GTF2IRD1: variants seen among roughly 807,000 people sequenced by gnomAD.
GTF2IRD1 encodes general transcription factor II-I repeat domain-containing protein 1.
A neutral mutation model predicts 113.2 loss-of-function variants in GTF2IRD1; 26 were observed. The observed-to-expected ratio is 0.23, with a 90% CI of 0.17 to 0.32. GTF2IRD1 has a LOEUF of 0.32. Ranked by LOEUF, GTF2IRD1 falls within the 10% of genes least tolerant of loss-of-function variation. The pLI, the probability that GTF2IRD1 is intolerant of heterozygous loss-of-function variation, is 1.00. For missense variants in GTF2IRD1, 864 were observed against 1,280.8 expected (o/e 0.67, Z 4.97); for synonymous variants, 484 against 529.1 (o/e 0.91, Z 1.17).
chr7:74,530,009 A>G (rs186193788), intron 9 of GTF2IRD1, 92 bp downstream of exon 9: 1 of 902,240 alleles, frequency 1.1e-6, no homozygotes, highest in Non-Finnish European at 1.7e-6. Context: ...CAGGAGTTCG[A>G]GACCAGCCTG....
In GTF2IRD1 at chr7:74,515,503, G is replaced by A; in HGVS notation, c.328G>A (p.Gly110Arg). ...CAAGAAGGTGCAGCGGGGCGAGGGT[G>A]GAGGCCGTAGCCTCCCTCGGTCCTC... ...HPKKVQRGEGGGRSLPRSSLE... is the reference protein window; with the variant it reads ...HPKKVQRGEGRGRSLPRSSLE... Residue 110 changes from glycine (G) to arginine (R), a missense_variant, in exon 4 of 27, where the codon GGA becomes AGA. Gly to Arg is a moderately radical substitution (Grantham distance 125). Coordinates refer to ENST00000424337, the MANE Select transcript of GTF2IRD1 (RefSeq NM_005685.4). 4 of 1,613,296 alleles carry A rather than the reference G, an allele frequency of 2.5e-6. No homozygotes were observed. The highest frequency in any genetic ancestry group is 1.7e-4 in the Middle Eastern group (1 of 6,056).
chr7:74,462,484 G>A (rs558708808), intron 1 of GTF2IRD1, among the ~76,000 whole-genome samples: 2 of 152,250 alleles, frequency 1.3e-5, no homozygotes, highest in South Asian at 2.1e-4. Flanking sequence ...ATGCATTTAC[G>A]GCATTGCTGG....
intron 22 of GTF2IRD1, among the ~76,000 whole-genome samples, chr7:74,583,250 G>A (rs1554366668): frequency 6.6e-6 from 1 of 151,812 alleles, no homozygotes; most frequent in African/African-American, 2.4e-5. Flanking sequence ...GTGCAGTGGG[G>A]CAATCATGGC....
intron 8 of GTF2IRD1, among the ~76,000 whole-genome samples, chr7:74,526,084 C>G (rs971716030): frequency 6.6e-6 from 1 of 152,212 alleles, no homozygotes; most frequent in Admixed American, 6.5e-5. Context: ...CTCTCCCCGC[C>G]CCAGGCAGGT....
rs1797274321 is a variant in GTF2IRD1, at chr7:74,521,188, T to G, written c.917-20T>G. 1 of 1,486,898 alleles carries G rather than the reference T, an allele frequency of 6.7e-7. No individual in the cohort carries two copies. The highest frequency in any genetic ancestry group is 9.4e-7 in the Non-Finnish European group (1 of 1,064,958). The allele number at this position is 1,486,898 out of a possible 1,614,324, so 92.1% of individuals were successfully genotyped here. Reference sequence around the variant, plus strand: ...TCTTGGGTCCCACCTGGAACCTTCTTCCTTCTCTCCCTTGTCCAGGACAGA... The same window carrying G: ...TCTTGGGTCCCACCTGGAACCTTCTGCCTTCTCTCCCTTGTCCAGGACAGA... On this transcript the variant is annotated intron_variant, in intron 6 of 26. Transcript: ENST00000424337.
In GTF2IRD1 at chr7:74,519,513, C is replaced by T. The variant is rs782408823; in HGVS notation, c.710C>T (p.Pro237Leu). ...SRDCGLHGQAPKVPPQDLPPT... is the reference protein window; with the variant it reads ...SRDCGLHGQALKVPPQDLPPT... The stretch of plus-strand genomic sequence containing the variant: ...GACTGTGGCCTGCATGGCCAGGCCC[C>T]CAAGGTGCCACCCCAGGACCTGCCC... Residue 237 changes from proline (P) to leucine (L), a missense_variant, in exon 6 of 27, where the codon CCC becomes CTC. Pro to Leu is a moderately conservative substitution (Grantham distance 98). Coordinates refer to ENST00000424337, the MANE Select transcript of GTF2IRD1 (RefSeq NM_005685.4). 6.2e-7 allele frequency: 1 copy of T among 1,611,332 alleles called. No homozygotes were observed. The highest frequency in any genetic ancestry group is 8.5e-7 in the Non-Finnish European group (1 of 1,178,862).
At chr7:74,457,568 CCT>C (rs1793068705) in intron 1 of GTF2IRD1, among the ~76,000 whole-genome samples, 2 of 152,126 alleles carry the variant, frequency 1.3e-5, no homozygotes, top group Admixed American at 6.6e-5. Flanking sequence ...CCTGGGGCCC[CCT>C]CTCTCCCCAC....
intron 22 of GTF2IRD1, among the ~76,000 whole-genome samples, chr7:74,560,988 C>G (rs1178472372): frequency 6.6e-6 from 1 of 152,190 alleles, no homozygotes; most frequent in Admixed American, 6.6e-5. Context: ...TGATCCCAAA[C>G]CCAGATTTGC....
chr7:74,559,598 T>C, intron 21 of GTF2IRD1, 29 bp from the exon 22 acceptor site: 1 of 1,578,074 alleles, frequency 6.3e-7, no homozygotes, highest in Non-Finnish European at 8.6e-7. Context: ...GCCCTCCCCA[T>C]GACACCCCTG....
chr7:74,583,365 T>TCTTTTC, intron 22 of GTF2IRD1, among the ~76,000 whole-genome samples: 2 of 148,852 alleles, frequency 1.3e-5, no homozygotes, highest in African/African-American at 5.0e-5. Context: ...ATTTTTCTTT[T>TCTTTTC]TTTTTCTTTT....
At chr7:74,461,446 T>C (rs1554329219) in intron 1 of GTF2IRD1, among the ~76,000 whole-genome samples, 2 of 152,160 alleles carry the variant, frequency 1.3e-5, no homozygotes, top group Non-Finnish European at 2.9e-5. Context: ...AGCAAGTCCG[T>C]ATCTTTTCGT....
chr7:74,591,374 CTTTTTTTTTTT>C (rs782483943), intron 24 of GTF2IRD1, among the ~76,000 whole-genome samples: 1 of 118,060 alleles, frequency 8.5e-6, no homozygotes, highest in Admixed American at 8.9e-5. Flanking sequence ...CAGTGATTCT[CTTTTTTTTTTT>C]TTTTTTTTTT....
Position 74,555,171 on chromosome 7 carries a change from C to T in GTF2IRD1, c.1917-3C>T, listed in dbSNP as rs782158925. 4 of 1,613,568 alleles carry T rather than the reference C, an allele frequency of 2.5e-6. No homozygotes were observed. The highest frequency in any genetic ancestry group is 2.2e-5 in the South Asian group (2 of 90,994). On this transcript the variant is annotated splice_region_variant and splice_polypyrimidine_tract_variant and intron_variant, in intron 17 of 26. Coordinates refer to ENST00000424337, the MANE Select transcript of GTF2IRD1 (RefSeq NM_005685.4). The surrounding 1 kb of genome is among the most constrained non-coding windows in gnomAD (Gnocchi z 5.3). ...CTGTGATAGCCTCGCTTGTGTTTTC[C>T]AGGCCCGAGCTGCTCACTGAGGGAG...
At chr7:74,483,812 G>A (rs540031540) in intron 1 of GTF2IRD1, among the ~76,000 whole-genome samples, 2 of 152,140 alleles carry the variant, frequency 1.3e-5, no homozygotes, top group African/African-American at 2.4e-5. Context: ...CCATAATCAC[G>A]CCATTGCATT....
At chr7:74,573,401 C>CA (rs782809767) in intron 22 of GTF2IRD1, among the ~76,000 whole-genome samples, 3,486 of 122,640 alleles carry the variant, frequency 0.028, 61 homozygotes, top group Non-Finnish European at 0.039. Context: ...GACCTTCTCT[C>CA]AAAAAAAAAA....
intron 22 of GTF2IRD1, among the ~76,000 whole-genome samples, chr7:74,588,828 G>A (rs1554368605): frequency 6.6e-6 from 1 of 152,160 alleles, no homozygotes; most frequent in Non-Finnish European, 1.5e-5. Flanking sequence ...CACCATGTCA[G>A]GCCTTGAGAG....
intron 1 of GTF2IRD1, among the ~76,000 whole-genome samples, chr7:74,473,995 G>A (rs913745273): frequency 3.3e-5 from 5 of 151,924 alleles, no homozygotes; most frequent in South Asian, 2.1e-4. Flanking sequence ...AGGCCGAGGC[G>A]GGTGGATCAC....
intron 4 of GTF2IRD1, among the ~76,000 whole-genome samples, chr7:74,517,427 C>CTTTTTTTTTT (rs59499031): frequency 3.9e-5 from 3 of 77,402 alleles, no homozygotes; most frequent in African/African-American, 1.6e-4. Context: ...CTCCCTACAC[C>CTTTTTTTTTT]TTTTTTTTTT....
At chr7:74,471,212 G>A (rs1381305312) in intron 1 of GTF2IRD1, among the ~76,000 whole-genome samples, 1 of 152,152 alleles carries the variant, frequency 6.6e-6, no homozygotes, top group East Asian at 1.9e-4. Context: ...TTTTGATTAC[G>A]GTGGCAGTCA....
Sources: allele counts gnomAD v4.1 joint callset (sites outside exome capture counted in the v4.1 genomes callset), GRCh38; gene constraint gnomAD v4.1.1; non-coding constraint Gnocchi (gnomAD v3.1); transcripts MANE v1.5; gene names NCBI Gene and HGNC (gene_info 2026-07-23, HGNC 2026-07-21).